The following NLRP2 variants were observed in gnomAD, a reference collection of about 807,000 sequenced individuals.
The protein encoded by NLRP2 is NACHT, LRR and PYD domains-containing protein 2.
In NLRP2, 107 loss-of-function variants were observed where a neutral mutation model predicts 97.2. The ratio of observed to expected loss-of-function variants is 1.10; its 90% CI spans 0.94 to 1.29. NLRP2 has a LOEUF of 1.29. NLRP2 is among the 50% of genes most tolerant of loss of function. The pLI, the probability that NLRP2 is intolerant of heterozygous loss-of-function variation, is 0.00. For missense variants in NLRP2, 1,495 were observed against 1,330.3 expected, an observed-to-expected ratio of 1.12 and a Z score of -1.93; for synonymous variants, 663 against 551.5, an observed-to-expected ratio of 1.20 and a Z score of -2.83.
At chr19:54,967,888 C>G (rs529148885) in intron 1 of NLRP2, among the ~76,000 whole-genome samples, 1 of 150,904 alleles carries the variant, frequency 6.6e-6, no homozygotes, top group African/African-American at 2.4e-5. Flanking sequence ...GTGTTATACC[C>G]TTTCTGTAAA....
rs761774976 is a variant in NLRP2 at position 54,976,842 on chromosome 19, C to G, written c.326-910C>G. ...TTTTTTTTTTTTTGATACGGAGTCT[C>G]GCTTGCTCTTTTGCCAGGCTGAAGT... On this transcript the variant is annotated intron_variant, in intron 3 of 12. Transcript: ENST00000448584. 8.3e-5 allele frequency: 20 copies of G among 239,716 alleles called. 1 individual carries two copies. In the African/African-American group the frequency reaches 1.1e-3, roughly 13 times the overall value. 14.8% of individuals were successfully genotyped at this position (239,716 alleles called of 1,614,324 possible).
chr19:54,983,671 TAAAGG>T lies in NLRP2; in HGVS notation c.1975_1979del (p.Lys659GlufsTer10). 1 of 1,613,960 alleles carries T rather than the reference TAAAGG, an allele frequency of 6.2e-7. No individual in the cohort carries two copies. Among genetic ancestry groups the T allele is most frequent in the Non-Finnish European group, 8.5e-7 (1 of 1,180,024 alleles). On this transcript the variant is annotated frameshift_variant, in exon 6 of 13. Transcript: ENST00000448584. LOFTEE classifies it high-confidence loss of function. ...CTGCAGAAAATGTCACTGCAGGTAA[TAAAGG>T]AGAATCTCCCGGAGAATGTCACTGC...
intron 4 of NLRP2, among the ~76,000 whole-genome samples, chr19:54,980,098 T>C (rs1401436322): frequency 6.6e-6 from 1 of 150,950 alleles, no homozygotes; most frequent in African/African-American, 2.4e-5. Context: ...TGACAAAGAA[T>C]TTCGGTGCGA....
chr19:54,987,978 A>G (rs950398976), intron 8 of NLRP2, among the ~76,000 whole-genome samples: 4 of 152,182 alleles, frequency 2.6e-5, no homozygotes, highest in African/African-American at 9.6e-5. Context: ...TAGGAGGCAG[A>G]GGTAGCAGTG....
chr19:54,983,529 G>A lies in NLRP2; in HGVS notation c.1831G>A (p.Glu611Lys), dbSNP rs1451115316. Residue 611 changes from glutamate to lysine, a missense_variant, in exon 6 of 13, where the codon GAG becomes AAG. Physicochemically the swap from Glu to Lys is moderately conservative, Grantham distance 56. Coordinates refer to ENST00000448584, the MANE Select transcript of NLRP2 (RefSeq NM_017852.5). ...DLQELLGCLY[E>K]SQEEELVKEV... ...GCAGGAGCTCCTCGGCTGTCTGTAC[G>A]AGTCTCAGGAGGAGGAGCTGGTGAA... is the stretch of plus-strand genomic sequence containing the variant. 7 of 1,614,182 alleles carry A rather than the reference G, an allele frequency of 4.3e-6. No individual in the cohort carries two copies. Among genetic ancestry groups the A allele is most frequent in the South Asian group, 3.3e-5 (3 of 91,088 alleles).
At position 54,983,321 on chromosome 19, in the gene NLRP2, A is replaced by T; in HGVS notation, c.1623A>T (p.Gly541=). The part of the protein sequence containing the change: ...DIGDVQKLLS[G]VERLRNPDLI... The stretch of plus-strand genomic sequence containing the variant: ...GGGACGTACAGAAGCTGCTTTCCGG[A>T]GTAGAAAGACTCAGGAACCCCGACC... Residue 541 remains glycine (G), a synonymous_variant, in exon 6 of 13, where the codon GGA becomes GGT. Transcript: ENST00000448584. 6.2e-7 allele frequency: 1 copy of T among 1,614,176 alleles called. No individual in the cohort carries two copies. The highest frequency in any genetic ancestry group is 1.6e-4 in the Middle Eastern group (1 of 6,062).
intron 4 of NLRP2, among the ~76,000 whole-genome samples, chr19:54,978,203 G>A (rs944507031): frequency 8.6e-5 from 13 of 151,496 alleles, no homozygotes; most frequent in African/African-American, 2.4e-4. Flanking sequence ...GAGTAGCTGG[G>A]ATTATAGGCA....
chr19:54,990,154 A>G lies in NLRP2; in HGVS notation c.2499A>G (p.Thr833=), dbSNP rs1459955514. The G allele has an allele frequency of 6.2e-7, 1 of 1,614,080 alleles. No homozygotes were observed. The highest frequency in any genetic ancestry group is 1.7e-5 in the Admixed American group (1 of 59,996). The change falls in exon 9 of 13, where the codon ACA becomes ACG. Residue 833 remains threonine (T), a synonymous_variant. Transcript: ENST00000448584. ...LLDEGAKLLY[T]TLRHPKCFLQ... is the part of the protein sequence containing the mutation. ...ATGAGGGTGCTAAGTTGCTGTACAC[A>G]ACTTTGAGACACCCCAAGTGCTTTC... is the stretch of plus-strand genomic sequence containing the variant.
intron 1 of NLRP2, among the ~76,000 whole-genome samples, chr19:54,969,795 G>C (rs983151725): frequency 6.6e-6 from 1 of 152,162 alleles, no homozygotes; most frequent in Non-Finnish European, 1.5e-5. Flanking sequence ...GAGTAGCTGG[G>C]ACTACAGGCA....
At chr19:54,986,937 T>C (rs1450746245) in intron 8 of NLRP2, among the ~76,000 whole-genome samples, 2 of 151,806 alleles carry the variant, frequency 1.3e-5, no homozygotes, top group Non-Finnish European at 2.9e-5. Context: ...CAGGCTGGAG[T>C]GCGTTGGTAT....
Position 55,000,760 on chromosome 19 carries a change from G to T in NLRP2, c.3051G>T (p.Arg1017Ser). 6.2e-7 allele frequency: 1 copy of T among 1,613,464 alleles called. No homozygotes were observed. The highest frequency in any genetic ancestry group is 8.5e-7 in the Non-Finnish European group (1 of 1,179,658). ...CTTTTCTTCCCCCATTGTACCCCAG[G>T]TTGAAAATCGATGACTTTAATGATG... ...TCSSGTLRTL[R>S]LKIDDFNDEL... Residue 1017 changes from arginine to serine, a missense_variant and splice_region_variant, in exon 13 of 13, where the codon AGG (arginine) becomes AGT (serine). By Grantham distance (110) the Arg-to-Ser change is moderately radical. Transcript: ENST00000448584.
chr19:54,977,739 C>A lies in NLRP2; in HGVS notation c.326-13C>A. ...CACAGCAACAGGCCTGTAATGCCGC[C>A]CTTTTTCTCCAGGGATAACACGGAA... On this transcript the variant is annotated splice_polypyrimidine_tract_variant and intron_variant, in intron 3 of 12. Coordinates refer to ENST00000448584, the MANE Select transcript of NLRP2 (RefSeq NM_017852.5). 6.2e-7 allele frequency: 1 copy of A among 1,613,706 alleles called. No individual in the cohort carries two copies. Among genetic ancestry groups the A allele is most frequent in the African/African-American group, 1.3e-5 (1 of 75,024 alleles).
chr19:54,985,368 G>A (rs2146462784), intron 7 of NLRP2, 151 bp downstream of exon 7: 4 of 786,648 alleles, frequency 5.1e-6, no homozygotes, highest in African/African-American at 1.7e-5. Context: ...TTTATTTTGT[G>A]GGATAATCGT....
At chr19:54,981,800 C>CG (rs1229902675) in intron 5 of NLRP2, 118 bp downstream of exon 5, 2 of 764,594 alleles carry the variant, frequency 2.6e-6, no homozygotes, top group African/African-American at 3.4e-5. Flanking sequence ...TGTATCGAGA[C>CG]GGAGTTTTGC....
rs1008419769 is a variant in NLRP2, at chr19:54,974,043, C to G, written c.281-457C>G. Reference sequence around the variant, plus strand: ...GAGTGCCTTGAGCCCAACTGCAGATCTAAGAATGCTGGCTATTAAAAGATA... The same window carrying G: ...GAGTGCCTTGAGCCCAACTGCAGATGTAAGAATGCTGGCTATTAAAAGATA... On this transcript the variant is annotated intron_variant, in intron 2 of 12. Coordinates refer to ENST00000448584, the MANE Select transcript of NLRP2 (RefSeq NM_017852.5). The G allele has an allele frequency of 3.4e-6, 4 of 1,184,826 alleles. No homozygotes were observed. In the African/African-American group the frequency reaches 6.1e-5, roughly 18 times the overall value. 73.4% of individuals were successfully genotyped at this position (1,184,826 alleles called of 1,614,324 possible).
At chr19:55,000,444 T>G (rs932227146) in intron 12 of NLRP2, among the ~76,000 whole-genome samples, 13 of 151,194 alleles carry the variant, frequency 8.6e-5, no homozygotes, top group African/African-American at 3.2e-4. Context: ...GCCCGGCTAA[T>G]TTTTTGTATT....
In NLRP2 at chr19:55,000,741, T is replaced by C; in HGVS notation, c.3051-19T>C. ...CCTTGATGCACAAAGTAACCTTTTC[T>C]TCCCCCATTGTACCCCAGGTTGAAA... On this transcript the variant is annotated intron_variant, in intron 12 of 12. Transcript: ENST00000448584. 6.2e-7 allele frequency: 1 copy of C among 1,613,116 alleles called. No homozygotes were observed.
chr19:54,981,139 T>C (rs2071543337), intron 4 of NLRP2, among the ~76,000 whole-genome samples: 1 of 152,076 alleles, frequency 6.6e-6, no homozygotes, highest in Non-Finnish European at 1.5e-5. Context: ...TGTTTCCTCT[T>C]GTTTGTATGC....
At chr19:54,997,213 C>A (rs779864593) in intron 11 of NLRP2, 104 bp from the exon 12 acceptor site, 4 of 1,201,308 alleles carry the variant, frequency 3.3e-6, no homozygotes, top group Non-Finnish European at 3.7e-6. Flanking sequence ...CCTGAGACTT[C>A]TGTTGGTCAT....
Sources: allele counts gnomAD v4.1 joint callset (sites outside exome capture counted in the v4.1 genomes callset), GRCh38; gene constraint gnomAD v4.1.1; transcripts MANE v1.5; gene names NCBI Gene and HGNC (gene_info 2026-07-23, HGNC 2026-07-21).